The following POMGNT2 variants were observed in gnomAD, a reference collection of about 807,000 sequenced individuals.
POMGNT2 encodes the protein protein O-linked-mannose beta-1,4-N-acetylglucosaminyltransferase 2.
Under a neutral mutation model 37.8 loss-of-function variants are expected in POMGNT2, and 32 were observed. The observed-to-expected ratio is 0.85, with a 90% CI of 0.64 to 1.14. The LOEUF (loss-of-function observed/expected upper bound fraction) is 1.14, where lower values mean the gene tolerates loss of function less well. Ranked by LOEUF, POMGNT2 falls within the 50% of genes most tolerant of loss-of-function variation. The pLI is 0.00. For missense variants in POMGNT2, 705 were observed against 780.6 expected (o/e 0.90, Z 1.15); for synonymous variants, 340 against 336.8 (o/e 1.01, Z -0.10).
intron 1 of POMGNT2, among the ~76,000 whole-genome samples, chr3:43,085,538 T>C (rs1162242889): frequency 1.3e-5 from 2 of 152,174 alleles, no homozygotes; most frequent in African/African-American, 4.8e-5. Flanking sequence ...TCACGTAAGA[T>C]GTGCCTTGTT....
rs2089847365 is a variant in POMGNT2, at chr3:43,080,922, GT to G, written c.509del (p.Asp170AlafsTer51). ...NPDNLMHVFH[D>X]DLLPLFYTLR... Reference sequence around the variant, plus strand: ...GGGTGTAGAAGAGTGGCAGCAGGTCGTCATGAAAGACGTGCATGAGGTTGTC... The same window carrying G: ...GGGTGTAGAAGAGTGGCAGCAGGTCGCATGAAAGACGTGCATGAGGTTGTC... On this transcript the variant is annotated frameshift_variant, in exon 2 of 2. Coordinates refer to ENST00000344697, the MANE Select transcript of POMGNT2 (RefSeq NM_032806.6). LOFTEE classifies it high-confidence loss of function. 6.2e-7 allele frequency: 1 copy of G among 1,613,994 alleles called. No individual in the cohort carries two copies. The highest frequency in any genetic ancestry group is 8.5e-7 in the Non-Finnish European group (1 of 1,180,014).
Position 43,105,996 on chromosome 3 carries a change from G to A in POMGNT2, c.-266C>T, listed in dbSNP as rs1338837335. ...CCAGCACAGGTTTGGCCGCGCCGCCGGGTTCGCAGCGACCGCCACCTCCAG... is the reference window on the plus strand; with the variant it reads ...CCAGCACAGGTTTGGCCGCGCCGCCAGGTTCGCAGCGACCGCCACCTCCAG... On this transcript the variant is annotated 5_prime_UTR_variant, in exon 1 of 2. Transcript: ENST00000344697. 3.3e-5 allele frequency: 5 copies of A among 151,424 alleles called. No individual in the cohort carries two copies. Among genetic ancestry groups the A allele is most frequent in the Non-Finnish European group, 7.4e-5 (5 of 67,816 alleles). The allele number at this position is 151,424 out of a possible 1,614,324, so 9.4% of individuals were successfully genotyped here. A position where few individuals can be genotyped will look rare whatever the true frequency, so the allele number is the denominator to read the frequency against.
At chr3:43,096,723 G>A (rs57549659) in intron 1 of POMGNT2, among the ~76,000 whole-genome samples, 22,936 of 152,072 alleles carry the variant, frequency 0.15, 1,773 homozygotes, top group South Asian at 0.22. Context: ...AGGGCTTAGT[G>A]GCTCAGCCAG....
In POMGNT2 at chr3:43,079,564, A is replaced by G. The variant is rs1464502263; in HGVS notation, c.*125T>C. ...GTGACACCACACCCCAGAGACAACAAGATGATGTGGAGGCACAGGCCTGCT... is the reference window on the plus strand; with the variant it reads ...GTGACACCACACCCCAGAGACAACAGGATGATGTGGAGGCACAGGCCTGCT... On this transcript the variant is annotated 3_prime_UTR_variant, in exon 2 of 2. Transcript: ENST00000344697. 1 of 821,458 alleles carries G rather than the reference A, an allele frequency of 1.2e-6. No individual in the cohort carries two copies. Among genetic ancestry groups the G allele is most frequent in the African/African-American group, 1.7e-5 (1 of 57,852 alleles). The allele number at this position is 821,458 out of a possible 1,614,324, so 50.9% of individuals were successfully genotyped here.
At chr3:43,105,135 C>T (rs1193647023) in intron 1 of POMGNT2, among the ~76,000 whole-genome samples, 1 of 152,218 alleles carries the variant, frequency 6.6e-6, no homozygotes, top group Admixed American at 6.5e-5. Context: ...CACTGGTCGC[C>T]CTGCACCTGG....
chr3:43,099,409 T>C (rs2090001689), intron 1 of POMGNT2, among the ~76,000 whole-genome samples: 1 of 152,170 alleles, frequency 6.6e-6, no homozygotes, highest in African/African-American at 2.4e-5. Flanking sequence ...GTTATGTGTC[T>C]ACATGTCCCA....
At chr3:43,083,839 G>C (rs1266127102) in intron 1 of POMGNT2, among the ~76,000 whole-genome samples, 2 of 152,122 alleles carry the variant, frequency 1.3e-5, no homozygotes, top group Admixed American at 6.5e-5. Context: ...TGATGTTCCA[G>C]GTTTCCTTCC....
At position 43,098,084 on chromosome 3, in the gene POMGNT2, G is replaced by A. The variant is rs948118447; in HGVS notation, c.-106+7752C>T. 6.6e-5 allele frequency among the ~76,000 whole-genome samples: 10 copies of A among 152,244 alleles called. No individual in the cohort carries two copies. The highest frequency in any genetic ancestry group is 2.4e-4 in the African/African-American group (10 of 41,466). ...GAAGATCAGGCAGGGCCCAGGCCAGGAGGGGGTCAGCAACGGTGCAGAAGG... is the reference window on the plus strand; with the variant it reads ...GAAGATCAGGCAGGGCCCAGGCCAGAAGGGGGTCAGCAACGGTGCAGAAGG... On this transcript the variant is annotated intron_variant, in intron 1 of 1. Coordinates refer to ENST00000344697, the MANE Select transcript of POMGNT2 (RefSeq NM_032806.6). The surrounding 1 kb of genome is among the most constrained non-coding windows in gnomAD (Gnocchi z 4.3).
chr3:43,091,708 C>T (rs538916814), intron 1 of POMGNT2, among the ~76,000 whole-genome samples: 1 of 152,346 alleles, frequency 6.6e-6, no homozygotes, highest in East Asian at 1.9e-4. Flanking sequence ...ACCAAGTAAT[C>T]AAAATTAACA....
At position 43,096,566 on chromosome 3, in the gene POMGNT2, G is replaced by A. The variant is rs190038558; in HGVS notation, c.-106+9270C>T. On this transcript the variant is annotated intron_variant, in intron 1 of 1. Transcript: ENST00000344697. ...ACATGGATTCTAAGCACTGTCTTAT[G>A]TTAATAGCCCAGGCACCATTTGGAC... 6.0e-4 allele frequency among the ~76,000 whole-genome samples: 92 copies of A among 152,246 alleles called. 2 individuals are homozygous for A. Among genetic ancestry groups the A allele is most frequent in the Admixed American group, 6.0e-3 (92 of 15,296 alleles).
At position 43,081,261 on chromosome 3, in the gene POMGNT2, C is replaced by T; in HGVS notation, c.171G>A (p.Leu57=). ...GTGTGCCGCCCTCCATCAGGATCTG[C>T]AGTGCCTTCGGGTAGTCGATCCTCA... ...PALRIDYPKA[L]QILMEGGTHM... Residue 57 remains leucine, a synonymous_variant, in exon 2 of 2, where the codon CTG becomes CTA. Coordinates refer to ENST00000344697, the MANE Select transcript of POMGNT2 (RefSeq NM_032806.6). 1 of 1,613,658 alleles carries T rather than the reference C, an allele frequency of 6.2e-7. No individual in the cohort carries two copies. The highest frequency in any genetic ancestry group is 8.5e-7 in the Non-Finnish European group (1 of 1,180,016).
chr3:43,082,440 C>G (rs1170670301), intron 1 of POMGNT2, among the ~76,000 whole-genome samples: 1 of 152,162 alleles, frequency 6.6e-6, no homozygotes. Context: ...ATCTGGGTAT[C>G]ATCATTGAAA....
chr3:43,089,036 G>T (rs2089921319), intron 1 of POMGNT2, among the ~76,000 whole-genome samples: 1 of 152,208 alleles, frequency 6.6e-6, no homozygotes, highest in Admixed American at 6.5e-5. Flanking sequence ...TTTGGCATCA[G>T]TTTCCCCTGG....
At chr3:43,094,780 T>C (rs1446966713) in intron 1 of POMGNT2, among the ~76,000 whole-genome samples, 4 of 152,144 alleles carry the variant, frequency 2.6e-5, no homozygotes, top group Non-Finnish European at 4.4e-5. Flanking sequence ...TCACAAGAAA[T>C]ATGACTGTGC....
intron 1 of POMGNT2, among the ~76,000 whole-genome samples, chr3:43,101,525 A>C (rs564030102): frequency 6.6e-6 from 1 of 152,296 alleles, no homozygotes; most frequent in East Asian, 1.9e-4. Context: ...GAAATGCAGA[A>C]TCCTGGGCCC....
chr3:43,082,688 G>A (rs1373151760), intron 1 of POMGNT2, among the ~76,000 whole-genome samples: 3 of 152,208 alleles, frequency 2.0e-5, no homozygotes, highest in Non-Finnish European at 4.4e-5. Flanking sequence ...CACTGCACCG[G>A]GAGGGAGTAG....
At chr3:43,086,455 T>A (rs909172648) in intron 1 of POMGNT2, among the ~76,000 whole-genome samples, 2 of 152,196 alleles carry the variant, frequency 1.3e-5, no homozygotes, top group Non-Finnish European at 2.9e-5. Flanking sequence ...ACAGCTAGTA[T>A]GAGTTACTGT....
In POMGNT2 at chr3:43,081,556, A is replaced by G. The variant is rs2089856905; in HGVS notation, c.-105-20T>C. 2 of 857,110 alleles carry G rather than the reference A, an allele frequency of 2.3e-6. No individual in the cohort carries two copies. The highest frequency in any genetic ancestry group is 3.4e-5 in the African/African-American group (2 of 58,926). 53.1% of individuals were successfully genotyped at this position (857,110 alleles called of 1,614,324 possible). ...GAAAGCCTGCAGGAGGAGAGAAGGA[A>G]AAGAAAAAGGAATTGGCAGTCTTCC... On this transcript the variant is annotated intron_variant, in intron 1 of 1. Coordinates refer to ENST00000344697, the MANE Select transcript of POMGNT2 (RefSeq NM_032806.6).
At chr3:43,091,851 G>A (rs896800153) in intron 1 of POMGNT2, among the ~76,000 whole-genome samples, 2 of 152,160 alleles carry the variant, frequency 1.3e-5, no homozygotes, top group Admixed American at 6.5e-5. Flanking sequence ...CGTGATTCTC[G>A]CTCCAGTTCT....
Sources: allele counts gnomAD v4.1 joint callset (sites outside exome capture counted in the v4.1 genomes callset), GRCh38; gene constraint gnomAD v4.1.1; non-coding constraint Gnocchi (gnomAD v3.1); transcripts MANE v1.5; gene names NCBI Gene and HGNC (gene_info 2026-07-23, HGNC 2026-07-21).